PLXNC1: variants seen among roughly 807,000 people sequenced by gnomAD.
The protein encoded by PLXNC1 is plexin-C1.
Under a neutral mutation model 178.2 loss-of-function variants are expected in PLXNC1, and 75 were observed. The ratio of observed to expected loss-of-function variants is 0.42; its 90% CI spans 0.35 to 0.51. PLXNC1 has a LOEUF of 0.51. Ranked by LOEUF, PLXNC1 falls within the 20% of genes least tolerant of loss-of-function variation. PLXNC1 has a pLI of 0.02. For synonymous variants in PLXNC1, 790 were observed against 779.9 expected (o/e 1.01, Z -0.22); for missense variants, 1,503 against 1,984.4 (o/e 0.76, Z 4.61).
chr12:94,302,875 TTAA>T (rs2136234019), intron 28 of PLXNC1, among the ~76,000 whole-genome samples: 1 of 152,342 alleles, frequency 6.6e-6, no homozygotes, highest in East Asian at 1.9e-4. Context: ...GCTCCAGTGC[TTAA>T]TAATGTTTAT....
At chr12:94,245,079 G>A (rs577744731) in intron 12 of PLXNC1, among the ~76,000 whole-genome samples, 1 of 152,290 alleles carries the variant, frequency 6.6e-6, no homozygotes, top group African/African-American at 2.4e-5. Context: ...TTACAGCCTT[G>A]TGGTGCACAC....
intron 30 of PLXNC1, among the ~76,000 whole-genome samples, chr12:94,304,716 CATG>C (rs1224453258): frequency 1.3e-5 from 2 of 152,224 alleles, no homozygotes; most frequent in East Asian, 3.9e-4. Flanking sequence ...AGTTCTTAAA[CATG>C]ATAAGCATCC....
chr12:94,198,937 G>A lies in PLXNC1; in HGVS notation c.1440-10653G>A, dbSNP rs185916980. On this transcript the variant is annotated intron_variant, in intron 4 of 30. Coordinates refer to ENST00000258526, the MANE Select transcript of PLXNC1 (RefSeq NM_005761.3). ...CACGTTCTGAGGTTCTGATGGGCAC[G>A]AATTTGGGGGAACACTCTTTAACGC... 8.5e-5 allele frequency among the ~76,000 whole-genome samples: 13 copies of A among 152,296 alleles called. 1 individual carries two copies. In the East Asian group the frequency reaches 2.5e-3, roughly 29 times the overall value.
chr12:94,272,176 A>G (rs926707038), intron 21 of PLXNC1: 3 of 152,072 alleles, frequency 2.0e-5, no homozygotes, highest in African/African-American at 4.8e-5. Flanking sequence ...TCCCAAATCA[A>G]TCAGGATGCA....
At chr12:94,246,117 C>CAG (rs1370667859) in intron 12 of PLXNC1, among the ~76,000 whole-genome samples, 1 of 152,240 alleles carries the variant, frequency 6.6e-6, no homozygotes, top group Non-Finnish European at 1.5e-5. Context: ...GTCCAACCCC[C>CAG]AGCAGGGGCC....
intron 7 of PLXNC1, among the ~76,000 whole-genome samples, chr12:94,224,683 C>T (rs1963890239): frequency 6.6e-6 from 1 of 152,060 alleles, no homozygotes; most frequent in African/African-American, 2.4e-5. Context: ...GTGGGCAGAT[C>T]GCTTGAGCCC....
At chr12:94,256,005 C>T (rs1016902500) in intron 17 of PLXNC1, 25 of 152,346 alleles carry the variant, frequency 1.6e-4, no homozygotes, top group African/African-American at 5.1e-4. Flanking sequence ...TCCATTTACC[C>T]TCCCAAGTCT....
intron 1 of PLXNC1, among the ~76,000 whole-genome samples, chr12:94,152,897 G>A (rs1475836423): frequency 2.0e-5 from 3 of 152,208 alleles, no homozygotes; most frequent in Non-Finnish European, 2.9e-5. Context: ...TGTAATGAGT[G>A]TGTACTCAGC....
intron 17 of PLXNC1, among the ~76,000 whole-genome samples, chr12:94,257,539 C>T (rs573835389): frequency 2.6e-5 from 4 of 152,102 alleles, no homozygotes; most frequent in South Asian, 4.1e-4. Flanking sequence ...TTTGGGAGGC[C>T]GAGGCGGGTG....
chr12:94,278,036 C>T (rs1010368795), intron 21 of PLXNC1: 8 of 455,942 alleles, frequency 1.8e-5, no homozygotes, highest in Admixed American at 1.4e-4. Flanking sequence ...ACTTGGGGAC[C>T]TCCTCTTTCG....
chr12:94,191,028 C>T (rs377222769), intron 4 of PLXNC1, among the ~76,000 whole-genome samples: 1 of 152,232 alleles, frequency 6.6e-6, no homozygotes, highest in Admixed American at 6.5e-5. Flanking sequence ...GACCTTACTT[C>T]TCTACCTCTC....
At chr12:94,268,100 G>A (rs1965352147) in intron 21 of PLXNC1, among the ~76,000 whole-genome samples, 1 of 152,094 alleles carries the variant, frequency 6.6e-6, no homozygotes, top group South Asian at 2.1e-4. Context: ...GCCAAGGCAG[G>A]GACACGTTTG....
At chr12:94,165,539 T>C (rs910663432) in intron 1 of PLXNC1, among the ~76,000 whole-genome samples, 1 of 152,180 alleles carries the variant, frequency 6.6e-6, no homozygotes, top group African/African-American at 2.4e-5. Context: ...GGAACAAGCA[T>C]TTGTCCACGT....
At chr12:94,222,551 A>G (rs576802974) in intron 6 of PLXNC1, among the ~76,000 whole-genome samples, 94 of 152,312 alleles carry the variant, frequency 6.2e-4, no homozygotes, top group Non-Finnish European at 1.2e-3. Flanking sequence ...CACCCAGGTT[A>G]CCAGAGGGAA....
intron 1 of PLXNC1, among the ~76,000 whole-genome samples, chr12:94,152,955 A>G (rs1224856644): frequency 6.6e-6 from 1 of 152,218 alleles, no homozygotes; most frequent in Admixed American, 6.5e-5. Context: ...ACCAACTTTG[A>G]ATCCACTTTC....
chr12:94,205,835 C>T (rs905097195), intron 4 of PLXNC1, among the ~76,000 whole-genome samples: 6 of 152,158 alleles, frequency 3.9e-5, no homozygotes, highest in African/African-American at 1.2e-4. Flanking sequence ...GGTTGAGGTC[C>T]CAGGAAGCCA....
chr12:94,208,433 A>G (rs898833898), intron 4 of PLXNC1, among the ~76,000 whole-genome samples: 7 of 152,178 alleles, frequency 4.6e-5, no homozygotes, highest in Non-Finnish European at 1.0e-4. Flanking sequence ...AAGAATTGAA[A>G]GAGAGAGAGA....
At chr12:94,174,872 T>G (rs896757358) in intron 2 of PLXNC1, among the ~76,000 whole-genome samples, 1 of 152,246 alleles carries the variant, frequency 6.6e-6, no homozygotes, top group Non-Finnish European at 1.5e-5. Flanking sequence ...CCTCATTAAT[T>G]GCAATTTATG....
At position 94,307,112 on chromosome 12, in the gene PLXNC1, A is replaced by C. The variant is rs1969116529; in HGVS notation, c.*1827A>C. 6.6e-6 allele frequency: 1 copy of C among 152,182 alleles called. No homozygotes were observed. Among genetic ancestry groups the C allele is most frequent in the African/African-American group, 2.4e-5 (1 of 41,436 alleles). The allele number at this position is 152,182 out of a possible 1,614,324, so 9.4% of individuals were successfully genotyped here. A position where few individuals can be genotyped will look rare whatever the true frequency, so the allele number is the denominator to read the frequency against. ...ACAGCTTTATCTAAGTATTTACTAAATGCTACATGAGGGTGTCCCTGTCCA... is the reference window on the plus strand; with the variant it reads ...ACAGCTTTATCTAAGTATTTACTAACTGCTACATGAGGGTGTCCCTGTCCA... On this transcript the variant is annotated 3_prime_UTR_variant, in exon 31 of 31. Coordinates refer to ENST00000258526, the MANE Select transcript of PLXNC1 (RefSeq NM_005761.3).
Sources: allele counts gnomAD v4.1 joint callset (sites outside exome capture counted in the v4.1 genomes callset), GRCh38; gene constraint gnomAD v4.1.1; transcripts MANE v1.5; gene names NCBI Gene and HGNC (gene_info 2026-07-23, HGNC 2026-07-21).